The following NCOR1 variants were observed in gnomAD, a reference collection of about 807,000 sequenced individuals.
NCOR1 encodes the protein protein phosphatase 1, regulatory subunit 109.
A neutral mutation model predicts 288.1 loss-of-function variants in NCOR1; 63 were observed. The observed-to-expected ratio is 0.22, with a 90% confidence interval of 0.18 to 0.27. The LOEUF (loss-of-function observed/expected upper bound fraction) is 0.27, where lower values mean the gene tolerates loss of function less well. Among genes scored for constraint, NCOR1 ranks in the 10% least tolerant of loss-of-function variants. The probability of loss-of-function intolerance (pLI) is 1.00; values close to 1 mark genes in which losing one functional copy is unlikely to be tolerated. For synonymous variants in NCOR1, 1,007 were observed against 1,065.9 expected, an observed-to-expected ratio of 0.94 and a Z score of 1.08; for missense variants, 2,397 against 3,019.2, an observed-to-expected ratio of 0.79 and a Z score of 4.83.
intron 22 of NCOR1, 38 bp from the exon 23 acceptor site, chr17:16,086,480 A>C (rs1476146724): frequency 6.4e-7 from 1 of 1,571,124 alleles, no homozygotes; most frequent in South Asian, 1.1e-5. Flanking sequence ...AAACTAGTCC[A>C]TTTCCTAGTT....
At chr17:16,101,209 A>G in intron 20 of NCOR1, 41 bp downstream of exon 20, 1 of 1,528,688 alleles carries the variant, frequency 6.5e-7, no homozygotes, top group Non-Finnish European at 8.8e-7. Context: ...GTCACCAACC[A>G]GCAGAGTAAG....
At chr17:16,162,892 A>C (rs193155143) in intron 5 of NCOR1, among the ~76,000 whole-genome samples, 3 of 152,188 alleles carry the variant, frequency 2.0e-5, no homozygotes, top group African/African-American at 7.2e-5. Context: ...TACAACATGT[A>C]GTTTCCAGTG....
At chr17:16,033,790 G>GTACAGA (rs572964157) in intron 45 of NCOR1, among the ~76,000 whole-genome samples, 74 of 152,218 alleles carry the variant, frequency 4.9e-4, no homozygotes, top group Non-Finnish European at 9.7e-4. Context: ...TGTAGTGAAC[G>GTACAGA]TACAGACAGA....
chr17:16,094,854 C>A (rs937675379), intron 21 of NCOR1, among the ~76,000 whole-genome samples: 3 of 152,168 alleles, frequency 2.0e-5, no homozygotes, highest in African/African-American at 7.2e-5. Context: ...GATGGAGTCT[C>A]GTTAACTCAG....
chr17:16,037,724 C>T (rs2151935894), intron 44 of NCOR1, among the ~76,000 whole-genome samples: 1 of 152,340 alleles, frequency 6.6e-6, no homozygotes, highest in East Asian at 1.9e-4. Flanking sequence ...CTTCATGCTA[C>T]TACAGGACTT....
intron 22 of NCOR1, 176 bp downstream of exon 22, chr17:16,091,687 A>G (rs1956999602): frequency 7.0e-7 from 1 of 1,426,986 alleles, no homozygotes; most frequent in African/African-American, 1.4e-5. Context: ...TTTAGTAGTT[A>G]ATAATACTAA....
intron 14 of NCOR1, among the ~76,000 whole-genome samples, chr17:16,127,692 C>CAT (rs1003490832): frequency 7.3e-6 from 1 of 136,556 alleles, no homozygotes; most frequent in Admixed American, 7.4e-5. Context: ...TGTATATATA[C>CAT]ATATATGTAT....
intron 21 of NCOR1, among the ~76,000 whole-genome samples, chr17:16,096,532 G>T (rs1301353232): frequency 6.6e-6 from 1 of 152,132 alleles, no homozygotes. Context: ...CATGCTTAAT[G>T]CTACTACTGT....
chr17:16,193,267 G>C (rs1037094159), intron 2 of NCOR1, among the ~76,000 whole-genome samples: 1 of 152,002 alleles, frequency 6.6e-6, no homozygotes, highest in Admixed American at 6.6e-5. Flanking sequence ...TTTCACTCTT[G>C]TTGCCCAGGC....
intron 18 of NCOR1, 133 bp downstream of exon 18, chr17:16,117,755 G>T: frequency 1.1e-6 from 1 of 926,890 alleles, no homozygotes; most frequent in East Asian, 3.1e-5. Flanking sequence ...CCGGGAGGAA[G>T]AGTTTGCAGT....
At chr17:16,179,737 C>G (rs187609556) in intron 3 of NCOR1, among the ~76,000 whole-genome samples, 1 of 152,022 alleles carries the variant, frequency 6.6e-6, no homozygotes, top group Admixed American at 6.5e-5. Flanking sequence ...CAATAAAGGC[C>G]GGGCGTGGTG....
chr17:16,145,431 C>T (rs1270512571), intron 10 of NCOR1, among the ~76,000 whole-genome samples: 41 of 126,558 alleles, frequency 3.2e-4, no homozygotes, highest in African/African-American at 9.1e-4. Flanking sequence ...TCTGCCCGGC[C>T]GCCCATCGTC....
chr17:16,196,184 C>G (rs1047811490), intron 1 of NCOR1, among the ~76,000 whole-genome samples: 1 of 149,978 alleles, frequency 6.7e-6, no homozygotes, highest in Non-Finnish European at 1.5e-5. Flanking sequence ...AATCTCCACA[C>G]ATTTAGTATT....
At chr17:16,198,510 G>C (rs2090257234) in intron 1 of NCOR1, 1 of 152,222 alleles carries the variant, frequency 6.6e-6, no homozygotes, top group African/African-American at 2.4e-5. Flanking sequence ...TGGATCACCT[G>C]AGGTTGAGAG....
At chr17:16,127,637 ATATATGTG>A (rs1372480373) in intron 14 of NCOR1, among the ~76,000 whole-genome samples, 21 of 145,902 alleles carry the variant, frequency 1.4e-4, no homozygotes, top group Non-Finnish European at 2.3e-4. Context: ...ACATATATGT[ATATATGTG>A]TATGTGTATA....
intron 23 of NCOR1, 68 bp downstream of exon 23, chr17:16,086,214 G>A (rs1345890444): frequency 2.7e-6 from 4 of 1,472,400 alleles, no homozygotes; most frequent in East Asian, 2.3e-5. Context: ...ATCAGTGCGA[G>A]GAGGGAGGAC....
chr17:16,198,752 T>C (rs1214948373), intron 1 of NCOR1: 1 of 151,834 alleles, frequency 6.6e-6, no homozygotes, highest in Non-Finnish European at 1.5e-5. Context: ...AGTATTTCAC[T>C]ATATGAACAT....
chr17:16,066,082 CA>C (rs1322550624), intron 32 of NCOR1, among the ~76,000 whole-genome samples: 3 of 152,156 alleles, frequency 2.0e-5, no homozygotes, highest in African/African-American at 7.2e-5. Flanking sequence ...TTGTGGCAAT[CA>C]GTAACTTTAC....
chr17:16,033,747 C>A (rs1331735955), intron 45 of NCOR1, among the ~76,000 whole-genome samples: 1 of 152,090 alleles, frequency 6.6e-6, no homozygotes, highest in Non-Finnish European at 1.5e-5. Context: ...TAATAAGTAT[C>A]CTGGAGTATT....
Sources: allele counts gnomAD v4.1 joint callset (sites outside exome capture counted in the v4.1 genomes callset), GRCh38; gene constraint gnomAD v4.1.1; transcripts MANE v1.5; gene names NCBI Gene and HGNC (gene_info 2026-07-23, HGNC 2026-07-21).